The following DHX15 variants were observed in gnomAD, a reference collection of about 807,000 sequenced individuals.
DHX15 encodes ATP-dependent RNA helicase DHX15.
DHX15 carries 11 observed loss-of-function variants against 94.4 expected under a neutral mutation model. That is an observed-to-expected ratio of 0.12 (90% confidence interval 0.07 to 0.19). The LOEUF is 0.19. Among genes scored for constraint, DHX15 ranks in the 10% least tolerant of loss-of-function variants. DHX15 has a pLI of 1.00. For missense variants in DHX15, 304 were observed against 988.5 expected, an observed-to-expected ratio of 0.31 and a Z score of 9.29; for synonymous variants, 338 against 329.9, an observed-to-expected ratio of 1.02 and a Z score of -0.27.
At chr4:24,554,248 T>G (rs1360748354) in intron 5 of DHX15, among the ~76,000 whole-genome samples, 1 of 152,128 alleles carries the variant, frequency 6.6e-6, no homozygotes, top group East Asian at 1.9e-4. Flanking sequence ...CATCTGAGAA[T>G]AAAATTTTAA....
chr4:24,569,591 CA>C (rs60075617), intron 3 of DHX15, among the ~76,000 whole-genome samples: 14,395 of 66,972 alleles, frequency 0.21, 324 homozygotes, highest in East Asian at 0.35. Flanking sequence ...GACTCCATCT[CA>C]AAAAAAAAAA....
chr4:24,542,626 G>C (rs923472954), intron 7 of DHX15, among the ~76,000 whole-genome samples: 4 of 151,786 alleles, frequency 2.6e-5, no homozygotes, highest in African/African-American at 9.7e-5. Context: ...TGAACTGCAG[G>C]GATAGAAATC....
At chr4:24,554,663 G>C in intron 5 of DHX15, 62 bp downstream of exon 5, 1 of 1,210,452 alleles carries the variant, frequency 8.3e-7, no homozygotes, top group Non-Finnish European at 1.2e-6. Context: ...TTATGATTAA[G>C]GTTGCTGCAT....
At chr4:24,552,660 C>T (rs1343301585) in intron 5 of DHX15, among the ~76,000 whole-genome samples, 1 of 152,134 alleles carries the variant, frequency 6.6e-6, no homozygotes, top group Non-Finnish European at 1.5e-5. Context: ...TTTAGACCAG[C>T]TCTACTACTA....
Position 24,570,595 on chromosome 4 carries a change from C to T in DHX15, c.701+59G>A, listed in dbSNP as rs1159787866. ...AGCCTGCACTAGCAAAGTCTTCTAT[C>T]TAATAGCAGAAAATGGCAAGCAGAG... On this transcript the variant is annotated intron_variant, in intron 3 of 13. Coordinates refer to ENST00000336812, the MANE Select transcript of DHX15 (RefSeq NM_001358.3). 4.6e-6 allele frequency: 7 copies of T among 1,525,290 alleles called. No homozygotes were observed. The Admixed American group carries it at 1.0e-4, about 22-fold the overall frequency. 94.5% of individuals were successfully genotyped at this position (1,525,290 alleles called of 1,614,324 possible).
rs147204999 is a variant in DHX15 at position 24,548,398 on chromosome 4, C to T, written c.1248+457G>A. Among the ~76,000 whole-genome samples the T allele has an allele frequency of 1.0e-3, 156 of 152,242 alleles. 1 individual carries two copies. In the East Asian group the frequency reaches 0.024, roughly 24 times the overall value. On this transcript the variant is annotated intron_variant, in intron 6 of 13. Transcript: ENST00000336812. The stretch of plus-strand genomic sequence containing the variant: ...GACCTCGTGATCCACCCACTTCGGC[C>T]TCCCAAAGTGCTGGGATTACAGGCC...
chr4:24,569,004 C>T (rs139842308), intron 3 of DHX15, among the ~76,000 whole-genome samples: 2 of 152,148 alleles, frequency 1.3e-5, no homozygotes, highest in East Asian at 1.9e-4. Flanking sequence ...TTAAATATCA[C>T]GCTGAATAAA....
chr4:24,575,827 A>G (rs2109011395), intron 2 of DHX15, among the ~76,000 whole-genome samples: 1 of 152,348 alleles, frequency 6.6e-6, no homozygotes, highest in African/African-American at 2.4e-5. Context: ...GACTAGATGG[A>G]CAAAAGTCAC....
At chr4:24,536,171 T>G (rs1222368899) in intron 11 of DHX15, among the ~76,000 whole-genome samples, 1 of 152,158 alleles carries the variant, frequency 6.6e-6, no homozygotes, top group Non-Finnish European at 1.5e-5. Flanking sequence ...CTGACAAATG[T>G]TTTTCAGGTC....
intron 1 of DHX15, among the ~76,000 whole-genome samples, chr4:24,577,043 T>G (rs114899374): frequency 0.011 from 1,632 of 152,322 alleles, 5 homozygotes; most frequent in Non-Finnish European, 0.016. Context: ...ATCTCAATCT[T>G]TCTCAAATTC....
At chr4:24,554,479 T>C (rs1200201830) in intron 5 of DHX15, among the ~76,000 whole-genome samples, 1 of 152,136 alleles carries the variant, frequency 6.6e-6, no homozygotes, top group African/African-American at 2.4e-5. Flanking sequence ...TAAACTACAA[T>C]TGCAAAATCT....
chr4:24,560,042 C>T (rs1721832106), intron 3 of DHX15, among the ~76,000 whole-genome samples: 1 of 152,070 alleles, frequency 6.6e-6, no homozygotes, highest in African/African-American at 2.4e-5. Context: ...ACAGTATCAA[C>T]CTAGCTTAAG....
intron 1 of DHX15, chr4:24,584,081 T>C (rs1577355641): frequency 3.8e-6 from 2 of 524,506 alleles, no homozygotes; most frequent in African/African-American, 2.0e-5. Flanking sequence ...CCCTCATGGC[T>C]ACTGCAGGCC....
chr4:24,527,845 G>A lies in DHX15; in HGVS notation c.*79C>T. ...ATAAAGGCCATTATCGAACCAACGTGAAGAGCACAACTCGAACTTTTGAGT... is the reference window on the plus strand; with the variant it reads ...ATAAAGGCCATTATCGAACCAACGTAAAGAGCACAACTCGAACTTTTGAGT... On this transcript the variant is annotated 3_prime_UTR_variant, in exon 14 of 14. Transcript: ENST00000336812. 1.0e-6 allele frequency: 1 copy of A among 993,856 alleles called. No individual in the cohort carries two copies. The highest frequency in any genetic ancestry group is 1.6e-6 in the Non-Finnish European group (1 of 629,172). 61.6% of individuals were successfully genotyped at this position (993,856 alleles called of 1,614,324 possible). A position where few individuals can be genotyped will look rare whatever the true frequency, so the allele number is the denominator to read the frequency against.
intron 3 of DHX15, among the ~76,000 whole-genome samples, chr4:24,563,793 C>T (rs1029429909): frequency 1.3e-5 from 2 of 151,950 alleles, no homozygotes; most frequent in Non-Finnish European, 2.9e-5. Flanking sequence ...AGGCTGGGCA[C>T]GGTGGCTCAC....
intron 6 of DHX15, among the ~76,000 whole-genome samples, chr4:24,544,710 T>A (rs561497508): frequency 2.2e-4 from 33 of 152,300 alleles, no homozygotes; most frequent in African/African-American, 6.3e-4. Context: ...CTGGAAAGGT[T>A]TTAACACCCC....
At chr4:24,577,665 G>C (rs1045372175) in intron 1 of DHX15, among the ~76,000 whole-genome samples, 18 of 152,094 alleles carry the variant, frequency 1.2e-4, no homozygotes. Context: ...CCAGTTACTA[G>C]AGATTGACCT....
At position 24,540,250 on chromosome 4, in the gene DHX15, A is replaced by G; in HGVS notation, c.1644T>C (p.Ala548=). The G allele has an allele frequency of 6.2e-7, 1 of 1,613,528 alleles. No individual in the cohort carries two copies. The highest frequency in any genetic ancestry group is 8.5e-7 in the Non-Finnish European group (1 of 1,179,582). ...CAGTCAGATCTCCATCATCATTTAA[A>G]GCAGCCAGGTAATTCAAAAGTTCCA... is the stretch of plus-strand genomic sequence containing the variant. ...RALELLNYLA[A]LNDDGDLTEL... The change falls in exon 10 of 14, where the codon GCT becomes GCC. Residue 548 remains alanine (A), a synonymous_variant. Coordinates refer to ENST00000336812, the MANE Select transcript of DHX15 (RefSeq NM_001358.3).
intron 2 of DHX15, 70 bp downstream of exon 2, chr4:24,576,173 G>C: frequency 7.9e-7 from 1 of 1,259,132 alleles, no homozygotes; most frequent in Admixed American, 1.9e-5. Flanking sequence ...ATGACCACCA[G>C]AATCAAATAT....
Sources: gnomAD v4.1 joint callset for allele counts (sites outside exome capture counted in the v4.1 genomes callset) on GRCh38, gnomAD v4.1.1 for gene constraint, MANE v1.5 for transcripts, NCBI Gene and HGNC (gene_info 2026-07-23, HGNC 2026-07-21) for gene names.